DENND1A: variants seen among roughly 807,000 people sequenced by gnomAD.
DENND1A encodes the protein DENN domain-containing protein 1A.
A neutral mutation model predicts 113.7 loss-of-function variants in DENND1A; 51 were observed. The observed-to-expected ratio is 0.45, with a 90% CI of 0.36 to 0.57. The LOEUF is 0.57. Among genes scored for constraint, DENND1A ranks in the 20% least tolerant of loss-of-function variants. The probability of loss-of-function intolerance (pLI) is 0.00; values close to 1 mark genes in which losing one functional copy is unlikely to be tolerated. For synonymous variants in DENND1A, 565 were observed against 570.8 expected (o/e 0.99, Z 0.14); for missense variants, 1,258 against 1,395.9 (o/e 0.90, Z 1.57).
chr9:123,618,137 G>A (rs2060750799), intron 10 of DENND1A, among the ~76,000 whole-genome samples: 1 of 152,172 alleles, frequency 6.6e-6, no homozygotes, highest in Admixed American at 6.5e-5. Flanking sequence ...TGCACATACT[G>A]TCCCTGGTGC....
At chr9:123,705,703 G>A (rs1272115461) in intron 5 of DENND1A, among the ~76,000 whole-genome samples, 4 of 152,296 alleles carry the variant, frequency 2.6e-5, no homozygotes, top group Non-Finnish European at 4.4e-5. Context: ...TTCAGGAATT[G>A]GGCAGGAAAA....
At chr9:123,920,037 A>T (rs941586890) in intron 1 of DENND1A, among the ~76,000 whole-genome samples, 1 of 152,170 alleles carries the variant, frequency 6.6e-6, no homozygotes, top group African/African-American at 2.4e-5. Context: ...GTTGATGGGA[A>T]TTTGGGGGCT....
intron 16 of DENND1A, among the ~76,000 whole-genome samples, chr9:123,453,001 C>T (rs2047847719): frequency 6.6e-6 from 1 of 152,120 alleles, no homozygotes. Context: ...TCTTTAGGAG[C>T]AAAAGTGGGA....
chr9:123,798,565 C>A (rs1461996966), intron 2 of DENND1A: 1 of 152,012 alleles, frequency 6.6e-6, no homozygotes, highest in African/African-American at 2.4e-5. Context: ...AATGCCACTA[C>A]TTACTGATAG....
intron 2 of DENND1A, among the ~76,000 whole-genome samples, chr9:123,801,575 C>T (rs1490005208): frequency 6.6e-6 from 1 of 152,188 alleles, no homozygotes; most frequent in East Asian, 1.9e-4. Flanking sequence ...AATAATGCTG[C>T]TATGAACATG....
chr9:123,530,440 T>C (rs1362636805), intron 13 of DENND1A, among the ~76,000 whole-genome samples: 2 of 152,186 alleles, frequency 1.3e-5, no homozygotes, highest in Non-Finnish European at 2.9e-5. Context: ...TACCGTTTCA[T>C]ACCCAGATAA....
intron 5 of DENND1A, among the ~76,000 whole-genome samples, chr9:123,686,257 G>T (rs1386169154): frequency 1.3e-5 from 2 of 152,212 alleles, no homozygotes; most frequent in Non-Finnish European, 2.9e-5. Flanking sequence ...GTAGAGAAAT[G>T]AAGTAATTTC....
intron 5 of DENND1A, among the ~76,000 whole-genome samples, chr9:123,723,313 G>A (rs2067471615): frequency 6.6e-6 from 1 of 152,216 alleles, no homozygotes; most frequent in African/African-American, 2.4e-5. Flanking sequence ...ATAGGCAGAA[G>A]GGACTTGCCT....
At chr9:123,861,747 A>T (rs770340971) in intron 2 of DENND1A, among the ~76,000 whole-genome samples, 22 of 152,286 alleles carry the variant, frequency 1.4e-4, no homozygotes, top group Non-Finnish European at 2.6e-4. Flanking sequence ...TCCTTTAAAA[A>T]ATATATATAT....
intron 10 of DENND1A, among the ~76,000 whole-genome samples, chr9:123,620,232 A>AAAAAAAAAAAAAAAAAAAAAAAG (rs1554916729): frequency 1.4e-4 from 16 of 114,406 alleles, no homozygotes; most frequent in African/African-American, 3.7e-4. Context: ...AAAAAAAAAA[A>AAAAAAAAAAAAAAAAAAAAAAAG]AAAAAAGAAA....
intron 19 of DENND1A, among the ~76,000 whole-genome samples, chr9:123,419,955 A>G (rs2045106294): frequency 6.6e-6 from 1 of 152,216 alleles, no homozygotes; most frequent in Non-Finnish European, 1.5e-5. Context: ...GGTGTCACGT[A>G]GCGTACAGCA....
chr9:123,489,254 T>C (rs73665305), intron 13 of DENND1A, among the ~76,000 whole-genome samples: 8,806 of 152,252 alleles, frequency 0.058, 828 homozygotes, highest in African/African-American at 0.2. Flanking sequence ...AAACTTACTA[T>C]GATGAAAGGA....
At chr9:123,573,951 C>A (rs2058492255) in intron 12 of DENND1A, among the ~76,000 whole-genome samples, 1 of 151,688 alleles carries the variant, frequency 6.6e-6, no homozygotes, top group African/African-American at 2.4e-5. Context: ...GAGTTCTTAT[C>A]ATGAATATTG....
At chr9:123,663,296 C>A (rs1267930925) in intron 8 of DENND1A, among the ~76,000 whole-genome samples, 1 of 152,146 alleles carries the variant, frequency 6.6e-6, no homozygotes, top group East Asian at 1.9e-4. Flanking sequence ...CCCTAAGGTA[C>A]TTGTTTAGTG....
intron 5 of DENND1A, among the ~76,000 whole-genome samples, chr9:123,706,068 G>A (rs1248343506): frequency 6.6e-6 from 1 of 152,022 alleles, no homozygotes; most frequent in Non-Finnish European, 1.5e-5. Flanking sequence ...TAACAATGCA[G>A]CAAGAAATGG....
chr9:123,575,933 T>A (rs1382376067), intron 12 of DENND1A, among the ~76,000 whole-genome samples: 1 of 152,242 alleles, frequency 6.6e-6, no homozygotes, highest in Middle Eastern at 3.2e-3. Context: ...CTCTGTAAAT[T>A]GGAGTGTCTA....
chr9:123,563,282 G>A (rs2057867123), intron 12 of DENND1A, among the ~76,000 whole-genome samples: 1 of 152,104 alleles, frequency 6.6e-6, no homozygotes, highest in South Asian at 2.1e-4. Flanking sequence ...TCACCCGACC[G>A]TGTACCCCTG....
intron 2 of DENND1A, among the ~76,000 whole-genome samples, chr9:123,845,711 A>AATGGATT (rs1842524185): frequency 6.6e-6 from 1 of 150,674 alleles, no homozygotes; most frequent in Non-Finnish European, 1.5e-5. Context: ...ATAAAAAAGG[A>AATGGATT]ATGGATTATA....
At chr9:123,393,378 A>G (rs544077554) in intron 21 of DENND1A, among the ~76,000 whole-genome samples, 2 of 152,286 alleles carry the variant, frequency 1.3e-5, no homozygotes, top group East Asian at 3.9e-4. Context: ...GTATGTCAGC[A>G]CATCAGAATC....
Sources: gnomAD v4.1 joint callset for allele counts (sites outside exome capture counted in the v4.1 genomes callset) on GRCh38, gnomAD v4.1.1 for gene constraint, MANE v1.5 for transcripts, NCBI Gene and HGNC (gene_info 2026-07-23, HGNC 2026-07-21) for gene names.